DOCK4: variants seen among roughly 807,000 people sequenced by gnomAD.
DOCK4 encodes the protein dedicator of cytokinesis protein 4.
A neutral mutation model predicts 268.1 loss-of-function variants in DOCK4; 97 were observed. That is an observed-to-expected ratio of 0.36 (90% confidence interval 0.31 to 0.43). The LOEUF is 0.43. Ranked by LOEUF, DOCK4 falls within the 20% of genes least tolerant of loss-of-function variation. The probability of loss-of-function intolerance (pLI) is 1.00; values close to 1 mark genes in which losing one functional copy is unlikely to be tolerated. For synonymous variants in DOCK4, 954 were observed against 887.2 expected, an observed-to-expected ratio of 1.08 and a Z score of -1.34; for missense variants, 2,145 against 2,455.7, an observed-to-expected ratio of 0.87 and a Z score of 2.67.
intron 1 of DOCK4, among the ~76,000 whole-genome samples, chr7:112,178,725 T>C (rs967847898): frequency 6.6e-6 from 1 of 152,162 alleles, no homozygotes. Context: ...TTGCACACTT[T>C]TTAAAAAAGG....
At chr7:112,174,628 A>G (rs2116635343) in intron 1 of DOCK4, among the ~76,000 whole-genome samples, 1 of 152,284 alleles carries the variant, frequency 6.6e-6, no homozygotes, top group South Asian at 2.1e-4. Flanking sequence ...AAATAATAAC[A>G]GTAAGTATTA....
At chr7:112,085,412 A>T (rs1418038849) in intron 1 of DOCK4, among the ~76,000 whole-genome samples, 1 of 152,164 alleles carries the variant, frequency 6.6e-6, no homozygotes, top group East Asian at 1.9e-4. Context: ...CATCTAATAT[A>T]TAAAAACTCA....
intron 25 of DOCK4, among the ~76,000 whole-genome samples, chr7:111,841,418 C>T (rs1363535521): frequency 6.6e-6 from 1 of 152,026 alleles, no homozygotes; most frequent in African/African-American, 2.4e-5. Context: ...GCCTTGGCCT[C>T]CCAAAATGCT....
chr7:112,135,037 C>A (rs1391068158), intron 1 of DOCK4, among the ~76,000 whole-genome samples: 15 of 152,028 alleles, frequency 9.9e-5, no homozygotes, highest in Non-Finnish European at 2.2e-4. Context: ...AAAAACCCCA[C>A]AATTTTTTGT....
intron 26 of DOCK4, among the ~76,000 whole-genome samples, chr7:111,831,247 C>A (rs542737480): frequency 6.6e-6 from 1 of 152,152 alleles, no homozygotes; most frequent in Non-Finnish European, 1.5e-5. Context: ...CAACACCCAG[C>A]CAATTGTCAA....
intron 1 of DOCK4, among the ~76,000 whole-genome samples, chr7:112,122,435 T>C (rs1409655430): frequency 6.6e-6 from 1 of 152,154 alleles, no homozygotes; most frequent in African/African-American, 2.4e-5. Context: ...TTTTTCTTCT[T>C]CTTCTTATTT....
chr7:111,982,621 C>G (rs1487320278), intron 7 of DOCK4, among the ~76,000 whole-genome samples: 1 of 152,096 alleles, frequency 6.6e-6, no homozygotes, highest in East Asian at 1.9e-4. Context: ...AAATCCAAGA[C>G]CCAAATAACT....
chr7:112,030,095 C>T (rs933668246), intron 1 of DOCK4, among the ~76,000 whole-genome samples: 1 of 152,206 alleles, frequency 6.6e-6, no homozygotes, highest in African/African-American at 2.4e-5. Context: ...CAAATGCTGG[C>T]TTCAGATTCC....
At chr7:111,888,167 G>A (rs947991280) in intron 16 of DOCK4, among the ~76,000 whole-genome samples, 2 of 151,268 alleles carry the variant, frequency 1.3e-5, no homozygotes, top group Admixed American at 1.3e-4. Context: ...CCAGGTAGAT[G>A]CTAACCTATA....
At chr7:111,964,858 C>G (rs1167799812) in intron 8 of DOCK4, among the ~76,000 whole-genome samples, 1 of 119,354 alleles carries the variant, frequency 8.4e-6, no homozygotes, top group African/African-American at 3.9e-5. Context: ...GCGGATCTCT[C>G]GGCAGAAACC....
At chr7:112,032,229 T>C (rs753380600) in intron 1 of DOCK4, among the ~76,000 whole-genome samples, 6 of 152,162 alleles carry the variant, frequency 3.9e-5, no homozygotes, top group Non-Finnish European at 8.8e-5. Flanking sequence ...CATTATGAAA[T>C]ATTTAGGAAG....
At chr7:111,746,530 T>C (rs1318786962) in intron 43 of DOCK4, 113 bp from the exon 44 acceptor site, 3 of 792,360 alleles carry the variant, frequency 3.8e-6, no homozygotes, top group Non-Finnish European at 6.2e-6. Context: ...ACAAACCACA[T>C]TTTGGGACAG....
intron 1 of DOCK4, among the ~76,000 whole-genome samples, chr7:112,110,412 C>T (rs1028360440): frequency 6.6e-6 from 1 of 152,148 alleles, no homozygotes; most frequent in Admixed American, 6.5e-5. Context: ...CATCTTAGAG[C>T]CATAGTCTTC....
intron 1 of DOCK4, among the ~76,000 whole-genome samples, chr7:112,114,574 T>C (rs1811954127): frequency 1.3e-5 from 2 of 152,210 alleles, no homozygotes; most frequent in Admixed American, 1.3e-4. Flanking sequence ...ACTCTAATAT[T>C]TGTGGAAGTG....
intron 2 of DOCK4, among the ~76,000 whole-genome samples, chr7:112,002,879 A>G (rs1029627761): frequency 2.0e-5 from 3 of 151,872 alleles, no homozygotes; most frequent in Admixed American, 2.0e-4. Flanking sequence ...GTGAAATCCC[A>G]TCTCTACTAA....
chr7:111,790,588 A>T lies in DOCK4; in HGVS notation c.3184T>A (p.Phe1062Ile), dbSNP rs1428707804. ...WQNLGEHKLH[F>I]IPALIGPFLE... is the part of the protein sequence containing the mutation. Reference sequence around the variant, plus strand: ...AAGGGGCCAATCAGGGCAGGGATAAAATGAAGCTTGTGCTCTCCTAAAGTG... The same window carrying T: ...AAGGGGCCAATCAGGGCAGGGATAATATGAAGCTTGTGCTCTCCTAAAGTG... Residue 1062 changes from phenylalanine to isoleucine, a missense_variant, in exon 31 of 53, where the codon TTT (phenylalanine) becomes ATT (isoleucine). Around this residue, in one of 2 missense-constraint regions of DOCK4, gnomAD observed 1,598 missense variants for 1,986.7 expected, o/e 0.80. Transcript: ENST00000428084. 4 of 1,613,090 alleles carry T rather than the reference A, an allele frequency of 2.5e-6. No homozygotes were observed. Among genetic ancestry groups the T allele is most frequent in the Non-Finnish European group, 3.4e-6 (4 of 1,179,580 alleles).
chr7:111,787,457 A>C (rs1188467882), intron 32 of DOCK4, among the ~76,000 whole-genome samples: 1 of 152,172 alleles, frequency 6.6e-6, no homozygotes, highest in Non-Finnish European at 1.5e-5. Context: ...CCATATCAGA[A>C]AAAAATGATA....
rs1791334406 is a variant in DOCK4 at position 111,903,710 on chromosome 7, C to T, written c.1193-1909G>A. Among the ~76,000 whole-genome samples the T allele has an allele frequency of 2.0e-5, 3 of 152,112 alleles. No individual in the cohort carries two copies. The South Asian group carries it at 6.2e-4, about 32-fold the overall frequency. ...TGGTACACACAATGGTCTGCACATG[C>T]TAGTTTAACAAGAGGTTTGGGAGGA... On this transcript the variant is annotated intron_variant, in intron 13 of 52. Coordinates refer to ENST00000428084, the MANE Select transcript of DOCK4 (RefSeq NM_001363540.2).
rs1055193820 is a variant in DOCK4 at position 111,727,715 on chromosome 7, T to G, written c.*559A>C. ...CAGCAAAAGCAACCTTAAAGAAGTA[T>G]TTTGTTTCAAGAACAAAACAATTTC... On this transcript the variant is annotated 3_prime_UTR_variant, in exon 53 of 53. Coordinates refer to ENST00000428084, the MANE Select transcript of DOCK4 (RefSeq NM_001363540.2). 6.6e-6 allele frequency: 1 copy of G among 152,270 alleles called. No individual in the cohort carries two copies. Among genetic ancestry groups the G allele is most frequent in the Non-Finnish European group, 1.5e-5 (1 of 68,052 alleles). 9.4% of individuals were successfully genotyped at this position (152,270 alleles called of 1,614,324 possible). A position where few individuals can be genotyped will look rare whatever the true frequency, so the allele number is the denominator to read the frequency against.
Sources: allele counts gnomAD v4.1 joint callset (sites outside exome capture counted in the v4.1 genomes callset), GRCh38; gene constraint gnomAD v4.1.1; regional missense constraint gnomAD v4.1.1; transcripts MANE v1.5; gene names NCBI Gene and HGNC (gene_info 2026-07-23, HGNC 2026-07-21).